Variants in GALNTL5 observed in about 807,000 individuals in gnomAD.
The protein encoded by GALNTL5 is polypeptide N-acetylgalactosaminyltransferase like 5.
GALNTL5 carries 44 observed loss-of-function variants against 51.0 expected under a neutral mutation model. The ratio of observed to expected loss-of-function variants is 0.86; its 90% CI spans 0.68 to 1.11. GALNTL5 has a LOEUF of 1.11. GALNTL5 is among the 50% of genes least tolerant of loss of function. The pLI is 0.00. For synonymous variants in GALNTL5, 192 were observed against 182.8 expected (o/e 1.05, Z -0.41); for missense variants, 528 against 531.8 (o/e 0.99, Z 0.07).
At chr7:152,009,167 T>C (rs1663488378) in intron 7 of GALNTL5, among the ~76,000 whole-genome samples, 1 of 152,238 alleles carries the variant, frequency 6.6e-6, no homozygotes, top group Non-Finnish European at 1.5e-5. Flanking sequence ...CACTGGCAGC[T>C]GTCTCTAACC....
At chr7:151,981,117 A>T (rs1233787650) in intron 3 of GALNTL5, among the ~76,000 whole-genome samples, 5 of 152,144 alleles carry the variant, frequency 3.3e-5, no homozygotes, top group African/African-American at 1.2e-4. Context: ...ACCTATGGCA[A>T]GCTGGGCCAG....
intron 6 of GALNTL5, among the ~76,000 whole-genome samples, chr7:152,007,573 C>G (rs1037240743): frequency 6.6e-6 from 1 of 151,856 alleles, no homozygotes; most frequent in African/African-American, 2.4e-5. Context: ...CGCATGCCAC[C>G]TTGCCTGGCT....
At chr7:151,998,319 G>T (rs1258401550) in intron 5 of GALNTL5, among the ~76,000 whole-genome samples, 1 of 137,008 alleles carries the variant, frequency 7.3e-6, no homozygotes, top group African/African-American at 2.7e-5. Context: ...TAAAACCAAT[G>T]GAAAAGGTGC....
At chr7:151,981,339 CA>C (rs1313475082) in intron 3 of GALNTL5, among the ~76,000 whole-genome samples, 1 of 152,252 alleles carries the variant, frequency 6.6e-6, no homozygotes, top group African/African-American at 2.4e-5. Context: ...GTGTTGTAGG[CA>C]TGTTAATTCA....
chr7:152,003,673 T>C (rs1299383403), intron 6 of GALNTL5, among the ~76,000 whole-genome samples: 3 of 152,232 alleles, frequency 2.0e-5, no homozygotes, highest in Non-Finnish European at 4.4e-5. Flanking sequence ...TAATAAAATG[T>C]AATATGTAGA....
intron 6 of GALNTL5, among the ~76,000 whole-genome samples, chr7:152,005,834 T>C (rs1417866220): frequency 1.3e-5 from 2 of 152,230 alleles, no homozygotes; most frequent in African/African-American, 4.8e-5. Flanking sequence ...TAACATGATA[T>C]GACATTTATC....
intron 2 of GALNTL5, among the ~76,000 whole-genome samples, chr7:151,968,925 T>C (rs1164814828): frequency 6.6e-6 from 1 of 152,224 alleles, no homozygotes; most frequent in Non-Finnish European, 1.5e-5. Context: ...ATACTGTCTT[T>C]TGTAGAGGAT....
chr7:151,980,785 G>C (rs895424253), intron 3 of GALNTL5, among the ~76,000 whole-genome samples: 6 of 107,964 alleles, frequency 5.6e-5, no homozygotes, highest in African/African-American at 1.6e-4. Flanking sequence ...TCGCTCTGTC[G>C]CCCAGGCTGG....
chr7:151,964,317 C>A (rs112083331), intron 1 of GALNTL5, among the ~76,000 whole-genome samples: 1 of 152,288 alleles, frequency 6.6e-6, no homozygotes, highest in African/African-American at 2.4e-5. Flanking sequence ...GGACACAGTT[C>A]CGTTCATTGC....
rs765350147 is a variant in GALNTL5 at position 152,019,822 on chromosome 7, A to C, written c.*21A>C. ...TGTGAAAGGAAAACAAATCACTTTC[A>C]TTAATAAAGGGTTAAAAGTCTCCTA... On this transcript the variant is annotated 3_prime_UTR_variant, in exon 9 of 9. Transcript: ENST00000392800. The C allele has an allele frequency of 3.1e-6, 5 of 1,596,088 alleles. No homozygotes were observed. The highest frequency in any genetic ancestry group is 4.3e-6 in the Non-Finnish European group (5 of 1,167,646).
chr7:151,968,953 C>A (rs1442930576), intron 2 of GALNTL5, among the ~76,000 whole-genome samples: 1 of 152,094 alleles, frequency 6.6e-6, no homozygotes, highest in Non-Finnish European at 1.5e-5. Context: ...AATCTTTTGT[C>A]TATTTTTAAA....
chr7:152,000,968 C>T (rs1349317443), intron 5 of GALNTL5, among the ~76,000 whole-genome samples: 1 of 146,158 alleles, frequency 6.8e-6, no homozygotes, highest in Non-Finnish European at 1.5e-5. Context: ...TGCAGTGGCA[C>T]GATCTTGGCT....
chr7:152,000,769 T>C (rs1414600451), intron 5 of GALNTL5, among the ~76,000 whole-genome samples: 1 of 152,246 alleles, frequency 6.6e-6, no homozygotes, highest in Non-Finnish European at 1.5e-5. Context: ...AGGTTGTCTT[T>C]TTATTACTAA....
intron 7 of GALNTL5, among the ~76,000 whole-genome samples, chr7:152,010,925 A>G (rs892637015): frequency 6.6e-6 from 1 of 152,182 alleles, no homozygotes; most frequent in Admixed American, 6.5e-5. Context: ...AGGATAAAAT[A>G]TATTTTATTT....
intron 3 of GALNTL5, among the ~76,000 whole-genome samples, chr7:151,974,550 G>A (rs573308376): frequency 8.5e-5 from 13 of 152,200 alleles, no homozygotes; most frequent in Non-Finnish European, 1.5e-4. Flanking sequence ...CACTCATGAT[G>A]TGGTACACTC....
chr7:151,998,830 T>A (rs1194877012), intron 5 of GALNTL5, among the ~76,000 whole-genome samples: 2 of 151,750 alleles, frequency 1.3e-5, no homozygotes, highest in South Asian at 2.1e-4. Context: ...ACAATTTCAT[T>A]TACAAATGGC....
chr7:151,972,846 G>C (rs1362736463), intron 3 of GALNTL5, among the ~76,000 whole-genome samples: 3 of 152,150 alleles, frequency 2.0e-5, no homozygotes, highest in African/African-American at 7.2e-5. Context: ...CCCTCGTGGA[G>C]AACCTCTACT....
chr7:151,992,915 C>A (rs1000764817), intron 5 of GALNTL5, among the ~76,000 whole-genome samples: 2 of 152,124 alleles, frequency 1.3e-5, no homozygotes, highest in Admixed American at 6.5e-5. Context: ...CCTTCTCACC[C>A]CACGCACACG....
In GALNTL5 at chr7:152,007,822, T is replaced by C. The variant is rs764300610; in HGVS notation, c.909-5T>C. Reference sequence around the variant, plus strand: ...ATTAATTTCATATTTATGTCCCCTTTCTAGGTCACCTGCAATGTCTGGAGG... The same window carrying C: ...ATTAATTTCATATTTATGTCCCCTTCCTAGGTCACCTGCAATGTCTGGAGG... On this transcript the variant is annotated splice_polypyrimidine_tract_variant and splice_region_variant and intron_variant, in intron 6 of 8. Transcript: ENST00000392800. The C allele has an allele frequency of 1.3e-6, 2 of 1,515,430 alleles. No homozygotes were observed. Among genetic ancestry groups the C allele is most frequent in the East Asian group, 4.5e-5 (2 of 44,334 alleles). 93.9% of individuals were successfully genotyped at this position (1,515,430 alleles called of 1,614,324 possible).
Sources: gnomAD v4.1 joint callset for allele counts (sites outside exome capture counted in the v4.1 genomes callset) on GRCh38, gnomAD v4.1.1 for gene constraint, MANE v1.5 for transcripts, NCBI Gene and HGNC (gene_info 2026-07-23, HGNC 2026-07-21) for gene names.